The following ROBO2 variants were observed in gnomAD, a reference collection of about 807,000 sequenced individuals.
The protein encoded by ROBO2 is roundabout guidance receptor 2.
A neutral mutation model predicts 160.8 loss-of-function variants in ROBO2; 53 were observed. That is an observed-to-expected ratio of 0.33 (90% confidence interval 0.26 to 0.41). ROBO2 has a LOEUF of 0.41. Among genes scored for constraint, ROBO2 ranks in the 10% least tolerant of loss-of-function variants. The pLI, the probability that ROBO2 is intolerant of heterozygous loss-of-function variation, is 1.00. For synonymous variants in ROBO2, 664 were observed against 611.7 expected (o/e 1.09, Z -1.26); for missense variants, 1,577 against 1,722.4 (o/e 0.92, Z 1.49).
chr3:76,922,946 A>C (rs2076757959), intron 2 of ROBO2, among the ~76,000 whole-genome samples: 2 of 152,206 alleles, frequency 1.3e-5, no homozygotes, highest in African/African-American at 4.8e-5. Context: ...ACATGTTTTC[A>C]ATCTTCTCAT....
intron 5 of ROBO2, among the ~76,000 whole-genome samples, chr3:77,499,464 C>T (rs1488278754): frequency 6.6e-6 from 1 of 151,846 alleles, no homozygotes; most frequent in African/African-American, 2.4e-5. Flanking sequence ...ATACATGGTG[C>T]CTCAGTTTTA....
At chr3:76,524,979 A>T (rs1415307583) in intron 2 of ROBO2, among the ~76,000 whole-genome samples, 1 of 151,682 alleles carries the variant, frequency 6.6e-6, no homozygotes, top group African/African-American at 2.4e-5. Context: ...AAAGCAAGAG[A>T]ATTCAAAGAA....
chr3:76,033,814 G>T (rs998719332), intron 2 of ROBO2, among the ~76,000 whole-genome samples: 1 of 152,098 alleles, frequency 6.6e-6, no homozygotes, highest in Non-Finnish European at 1.5e-5. Context: ...AACACCATGG[G>T]TCTCTTCCAT....
At chr3:76,637,925 A>G (rs527892636) in intron 2 of ROBO2, among the ~76,000 whole-genome samples, 2 of 152,330 alleles carry the variant, frequency 1.3e-5, no homozygotes, top group African/African-American at 2.4e-5. Context: ...TCTGTATAGT[A>G]TTATGGAGAT....
At chr3:76,798,259 G>GGAAGGAAA (rs764074863) in intron 2 of ROBO2, among the ~76,000 whole-genome samples, 4 of 94,284 alleles carry the variant, frequency 4.2e-5, no homozygotes, top group African/African-American at 1.2e-4. Context: ...AAAGAAAGAA[G>GGAAGGAAA]GAAAGAAAGA....
intron 2 of ROBO2, among the ~76,000 whole-genome samples, chr3:76,523,670 T>A (rs2081766953): frequency 6.6e-6 from 1 of 152,150 alleles, no homozygotes; most frequent in African/African-American, 2.4e-5. Context: ...CTTCATACTT[T>A]CTCTAAGTTG....
chr3:76,539,975 C>T (rs771290282), intron 2 of ROBO2, among the ~76,000 whole-genome samples: 1 of 152,180 alleles, frequency 6.6e-6, no homozygotes, highest in Non-Finnish European at 1.5e-5. Flanking sequence ...TGGAGAGCAG[C>T]TAACCTTGCA....
chr3:76,234,675 C>G (rs997378427), intron 2 of ROBO2, among the ~76,000 whole-genome samples: 1 of 151,928 alleles, frequency 6.6e-6, no homozygotes, highest in Non-Finnish European at 1.5e-5. Flanking sequence ...TGTTTTTAAA[C>G]AAAAAAATAC....
chr3:76,046,602 C>T (rs1254311620), intron 2 of ROBO2, among the ~76,000 whole-genome samples: 1 of 151,838 alleles, frequency 6.6e-6, no homozygotes, highest in Non-Finnish European at 1.5e-5. Flanking sequence ...GAGCCGAGAT[C>T]GCGCCACTGC....
chr3:76,460,831 A>C (rs2078045163), intron 2 of ROBO2, among the ~76,000 whole-genome samples: 2 of 152,192 alleles, frequency 1.3e-5, no homozygotes, highest in Non-Finnish European at 2.9e-5. Context: ...TTCTGGAATA[A>C]TCTGTGATGC....
chr3:77,316,813 T>G (rs1229246850), intron 2 of ROBO2: 2 of 1,308,682 alleles, frequency 1.5e-6, no homozygotes, highest in South Asian at 2.4e-5. Context: ...GTTCTTGCCA[T>G]CCAGGAGAGC....
chr3:76,999,921 T>A (rs893963187), intron 2 of ROBO2, among the ~76,000 whole-genome samples: 2 of 152,300 alleles, frequency 1.3e-5, no homozygotes, highest in South Asian at 2.1e-4. Flanking sequence ...AAATTTTCAT[T>A]GCTTTTGTAT....
chr3:77,206,786 A>G lies in ROBO2; in HGVS notation c.388+108446A>G, dbSNP rs17015087. Among the ~76,000 whole-genome samples, 4,322 of 152,212 alleles carry G rather than the reference A, an allele frequency of 0.028. 308 individuals are homozygous for G. The East Asian group carries it at 0.3, about 11-fold the overall frequency. On this transcript the variant is annotated intron_variant, in intron 2 of 25. Coordinates refer to ENST00000461745, the Ensembl canonical transcript of ROBO2. ...TGGCATTTTTAAGTTTTTGATGGAC[A>G]TTCTAAATAACGTTGCAATATTCTT...
chr3:76,082,972 A>G (rs1292746539), intron 2 of ROBO2, among the ~76,000 whole-genome samples: 5 of 152,148 alleles, frequency 3.3e-5, no homozygotes, highest in Non-Finnish European at 4.4e-5. Context: ...AATTAAATCA[A>G]CCAAACGTGT....
intron 2 of ROBO2, among the ~76,000 whole-genome samples, chr3:77,137,306 A>C (rs2076356147): frequency 6.6e-6 from 1 of 151,066 alleles, no homozygotes; most frequent in East Asian, 2.0e-4. Flanking sequence ...GGCTCACTGC[A>C]ACCTGCACCT....
chr3:77,478,404 C>G (rs2084296816), intron 3 of ROBO2, among the ~76,000 whole-genome samples: 2 of 152,136 alleles, frequency 1.3e-5, no homozygotes, highest in South Asian at 4.1e-4. Context: ...AAACAGCTGA[C>G]TGATTCTGCA....
At chr3:77,266,767 T>C (rs2059152678) in intron 2 of ROBO2, among the ~76,000 whole-genome samples, 1 of 152,160 alleles carries the variant, frequency 6.6e-6, no homozygotes, top group African/African-American at 2.4e-5. Context: ...ATTGGAAGAT[T>C]GTTGTGAGAA....
intron 11 of ROBO2, 71 bp from the exon 13 acceptor site, chr3:77,564,883 C>A: frequency 7.1e-7 from 1 of 1,405,404 alleles, no homozygotes; most frequent in South Asian, 1.2e-5. Flanking sequence ...TAACCTTTGT[C>A]ATTGATACCC....
At chr3:77,088,776 T>C (rs987766945) in intron 1 of ROBO2, among the ~76,000 whole-genome samples, 1 of 152,218 alleles carries the variant, frequency 6.6e-6, no homozygotes, top group Non-Finnish European at 1.5e-5. Flanking sequence ...GTGATATCCA[T>C]TGCTTTTGAC....
Sources: allele counts gnomAD v4.1 joint callset (sites outside exome capture counted in the v4.1 genomes callset), GRCh38; gene constraint gnomAD v4.1.1; transcripts MANE v1.5; gene names NCBI Gene and HGNC (gene_info 2026-07-23, HGNC 2026-07-21).